The following BUB1 variants were observed in gnomAD, a reference collection of about 807,000 sequenced individuals.
BUB1 encodes BUB1 mitotic checkpoint serine/threonine kinase, also known as mitotic checkpoint serine/threonine-protein kinase BUB1.
Under a neutral mutation model 135.2 loss-of-function variants are expected in BUB1, and 84 were observed. That is an observed-to-expected ratio of 0.62 (90% confidence interval 0.52 to 0.74). BUB1 has a LOEUF of 0.74. BUB1 is among the 30% of genes least tolerant of loss of function. The pLI is 0.00. For missense variants in BUB1, 1,162 were observed against 1,288.3 expected (o/e 0.90, Z 1.50); for synonymous variants, 403 against 434.4 (o/e 0.93, Z 0.90).
Position 110,667,560 on chromosome 2 carries a change from C to T in BUB1, c.766G>A (p.Ala256Thr), listed in dbSNP as rs1481702236. ...TTTCTCCGTTGATTGTATTTCTGGG[C>T]TCTCAATTCTTCAAAGGAAAATTCT... is the stretch of plus-strand genomic sequence containing the variant. ...ESEFSFEELR[A>T]QKYNQRRKHE... The change falls in exon 8 of 25, where the codon GCC becomes ACC. Residue 256 changes from alanine (A) to threonine (T), a missense_variant. Physicochemically the swap from Ala to Thr is moderately conservative, Grantham distance 58 (BLOSUM62 0). Coordinates refer to ENST00000302759, the MANE Select transcript of BUB1 (RefSeq NM_004336.5). 6.2e-7 allele frequency: 1 copy of T among 1,613,878 alleles called. No homozygotes were observed. The highest frequency in any genetic ancestry group is 1.7e-5 in the Admixed American group (1 of 59,954).
In BUB1 at chr2:110,648,601, C is replaced by T. The variant is rs1025160498; in HGVS notation, c.2347+633G>A. 3.9e-5 allele frequency among the ~76,000 whole-genome samples: 6 copies of T among 152,186 alleles called. No individual in the cohort carries two copies. Among genetic ancestry groups the T allele is most frequent in the Non-Finnish European group, 7.3e-5 (5 of 68,030 alleles). ...GCTTAATTTTAACAAATGTACCACA[C>T]TCATGCAAGATGTTAGTAACACGAA... On this transcript the variant is annotated intron_variant, in intron 19 of 24. Transcript: ENST00000302759. This position sits in a 1 kb window ranked among gnomAD's most constrained non-coding sequence, Gnocchi z 4.2.
chr2:110,676,536 A>AT lies in BUB1; in HGVS notation c.26+1433dup, dbSNP rs1055531149. On this transcript the variant is annotated intron_variant, in intron 1 of 24. Coordinates refer to ENST00000302759, the MANE Select transcript of BUB1 (RefSeq NM_004336.5). The stretch of plus-strand genomic sequence containing the variant: ...GTATCCGCAAAATGTTATGTACAAG[A>AT]TTTTTCACCGTGCCACTATTTGAAA... The AT allele has an allele frequency of 7.2e-5, 11 of 152,112 alleles. 1 individual carries two copies. Among genetic ancestry groups the AT allele is most frequent in the Non-Finnish European group, 1.5e-5 (1 of 68,018 alleles). 9.4% of individuals were successfully genotyped at this position (152,112 alleles called of 1,614,324 possible).
At chr2:110,642,051 AT>A in intron 20 of BUB1, 67 bp downstream of exon 20, 3 of 1,268,370 alleles carry the variant, frequency 2.4e-6, no homozygotes, top group Non-Finnish European at 3.3e-6. Context: ...AAGAAAAAAA[AT>A]TTCTTGGCAA....
At position 110,678,029 on chromosome 2, in the gene BUB1, T is replaced by C. The variant is rs766256840; in HGVS notation, c.-34A>G. 40 of 1,592,278 alleles carry C rather than the reference T, an allele frequency of 2.5e-5. No homozygotes were observed. The highest frequency in any genetic ancestry group is 1.6e-4 in the East Asian group (7 of 43,826). On this transcript the variant is annotated 5_prime_UTR_variant, in exon 1 of 25. Coordinates refer to ENST00000302759, the MANE Select transcript of BUB1 (RefSeq NM_004336.5). ...GACGCTGGCCGGCAGCGGCCAAACC[T>C]GAACCGCAAACTAGAAGCCGCCGCC...
chr2:110,663,838 T>C (rs972706150), intron 9 of BUB1, among the ~76,000 whole-genome samples: 3 of 152,074 alleles, frequency 2.0e-5, no homozygotes, highest in Non-Finnish European at 4.4e-5. Context: ...ACCATCCTGG[T>C]AACACGGTGA....
chr2:110,641,786 G>T lies in BUB1; in HGVS notation c.2481C>A (p.Asn827Lys). ...GGGTCCCAATGTAGAATTCCCAGGG[G>T]TTGGCAGGCTTTTGGACCTGCAAAT... ...KFVLKVQKPA[N>K]PWEFYIGTQL... Residue 827 changes from asparagine to lysine, a missense_variant, in exon 21 of 25, where the codon AAC (asparagine) becomes AAA (lysine). Physicochemically the swap from Asn to Lys is moderately conservative, Grantham distance 94 (BLOSUM62 0). Transcript: ENST00000302759. 3 of 1,605,854 alleles carry T rather than the reference G, an allele frequency of 1.9e-6. No individual in the cohort carries two copies. Among genetic ancestry groups the T allele is most frequent in the Non-Finnish European group, 2.5e-6 (3 of 1,179,754 alleles).
chr2:110,674,176 C>A lies in BUB1; in HGVS notation c.135G>T (p.Leu45Phe). The A allele has an allele frequency of 6.3e-7, 1 of 1,594,670 alleles. No individual in the cohort carries two copies. Among genetic ancestry groups the A allele is most frequent in the Non-Finnish European group, 8.6e-7 (1 of 1,163,210 alleles). The change falls in exon 3 of 25, where the codon TTG becomes TTT. Residue 45 changes from leucine (L) to phenylalanine (F), a missense_variant. Coordinates refer to ENST00000302759, the MANE Select transcript of BUB1 (RefSeq NM_004336.5). ...TCATTAAATGTTCTAGTAAAGTTATCAAGTATTCTTTATTCTCAGGAAAAT... is the reference window on the plus strand; with the variant it reads ...TCATTAAATGTTCTAGTAAAGTTATAAAGTATTCTTTATTCTCAGGAAAAT... ...EENFPENKEY[L>F]ITLLEHLMKE...
rs975621280 is a variant in BUB1, at chr2:110,650,749, G to C, written c.2000C>G (p.Ser667Trp). 1 of 1,613,862 alleles carries C rather than the reference G, an allele frequency of 6.2e-7. No homozygotes were observed. The highest frequency in any genetic ancestry group is 8.5e-7 in the Non-Finnish European group (1 of 1,179,944). The change falls in exon 18 of 25, where the codon TCG (serine) becomes TGG (tryptophan). Residue 667 changes from serine (S) to tryptophan (W), a missense_variant. Physicochemically the swap from Ser to Trp is radical, Grantham distance 177. Coordinates refer to ENST00000302759, the MANE Select transcript of BUB1 (RefSeq NM_004336.5). ...IQEKSPKQALSSHMYSASLLR... is the reference protein window; with the variant it reads ...IQEKSPKQALWSHMYSASLLR... ...TAAGGATGCTGAATACATGTGAGAC[G>C]ACAAGGCCTGTTTTGGGCTTTTCTC...
intron 14 of BUB1, 116 bp from the exon 15 acceptor site, chr2:110,657,233 A>G: frequency 1.3e-6 from 1 of 796,330 alleles, no homozygotes; most frequent in Non-Finnish European, 1.9e-6. Flanking sequence ...ATCTTTATAT[A>G]GATATTCCTT....
intron 11 of BUB1, among the ~76,000 whole-genome samples, chr2:110,659,470 G>A (rs555688441): frequency 1.3e-5 from 2 of 152,140 alleles, no homozygotes; most frequent in Non-Finnish European, 2.9e-5. Flanking sequence ...GGCTCAGTAA[G>A]TCTTGGTTCA....
At position 110,649,391 on chromosome 2, in the gene BUB1, G is replaced by GAAAAAAAAAAAAAAAGAAAAAAA; in HGVS notation, c.2204-15_2204-14insTTTTTTTCTTTTTTTTTTTTTTT. On this transcript the variant is annotated splice_polypyrimidine_tract_variant and intron_variant, in intron 18 of 24. Transcript: ENST00000302759. ...CAACAATGAAGTCTTAAAGGAATGA[G>GAAAAAAAAAAAAAAAGAAAAAAA]AAAAAAAAAAAAAAAGGGAACATGA... The GAAAAAAAAAAAAAAAGAAAAAAA allele has an allele frequency of 8.9e-7, 1 of 1,127,648 alleles. No individual in the cohort carries two copies. 69.9% of individuals were successfully genotyped at this position (1,127,648 alleles called of 1,614,324 possible).
At chr2:110,650,837 GT>G in intron 17 of BUB1, 53 bp from the exon 18 acceptor site, 1 of 1,483,082 alleles carries the variant, frequency 6.7e-7, no homozygotes, top group Admixed American at 1.7e-5. Flanking sequence ...TTAGAAATCT[GT>G]TGGATTCAGT....
chr2:110,650,191 G>GT (rs1374843431), intron 18 of BUB1, among the ~76,000 whole-genome samples: 1 of 99,302 alleles, frequency 1.0e-5, no homozygotes, highest in Non-Finnish European at 1.8e-5. Flanking sequence ...CTGTTTATGT[G>GT]TAACAAGGGG....
chr2:110,647,525 C>T (rs547830280), intron 19 of BUB1, among the ~76,000 whole-genome samples: 27 of 151,490 alleles, frequency 1.8e-4, no homozygotes, highest in Middle Eastern at 3.4e-3. Context: ...GAAAGGAGCA[C>T]GATAAATAAA....
At position 110,643,249 on chromosome 2, in the gene BUB1, G is replaced by T. The variant is rs535416356; in HGVS notation, c.2348-1015C>A. On this transcript the variant is annotated intron_variant, in intron 19 of 24. Coordinates refer to ENST00000302759, the MANE Select transcript of BUB1 (RefSeq NM_004336.5). ...CAGAGAATCACAGCTTGCCAAACTAGAAGCCCAGGAACAGAAACCACTGCT... is the reference window on the plus strand; with the variant it reads ...CAGAGAATCACAGCTTGCCAAACTATAAGCCCAGGAACAGAAACCACTGCT... 2.9e-4 allele frequency among the ~76,000 whole-genome samples: 44 copies of T among 152,262 alleles called. No individual in the cohort carries two copies. In the South Asian group the frequency reaches 9.1e-3, roughly 32 times the overall value.
chr2:110,668,462 G>A (rs1026007558), intron 6 of BUB1, among the ~76,000 whole-genome samples: 3 of 152,126 alleles, frequency 2.0e-5, no homozygotes, highest in Non-Finnish European at 4.4e-5. Context: ...AGTCAGGAGC[G>A]CATATTCTAC....
In BUB1 at chr2:110,641,016, C is replaced by A; in HGVS notation, c.2955+18G>T. On this transcript the variant is annotated intron_variant, in intron 23 of 24. Transcript: ENST00000302759. ...AACACAGAAAAATATTTCCAAGTCC[C>A]TCACTTTAGTTTTATACCTGGTAGT... 6.5e-7 allele frequency: 1 copy of A among 1,530,222 alleles called. No homozygotes were observed. Among genetic ancestry groups the A allele is most frequent in the South Asian group, 1.3e-5 (1 of 75,266 alleles). 94.8% of individuals were successfully genotyped at this position (1,530,222 alleles called of 1,614,324 possible). A position where few individuals can be genotyped will look rare whatever the true frequency, so the allele number is the denominator to read the frequency against.
In BUB1 at chr2:110,653,542, A is replaced by T; in HGVS notation, c.1877-19T>A. ...ACATTTTCTGAAAGATTCAAAAATT[A>T]GAGACAAGATATGTTAGATGCACAT... On this transcript the variant is annotated intron_variant, in intron 16 of 24. Transcript: ENST00000302759. The T allele has an allele frequency of 3.1e-6, 5 of 1,603,868 alleles. No homozygotes were observed. The highest frequency in any genetic ancestry group is 3.4e-6 in the Non-Finnish European group (4 of 1,170,902).
At chr2:110,677,526 CT>C (rs1211765587) in intron 1 of BUB1, among the ~76,000 whole-genome samples, 2 of 151,980 alleles carry the variant, frequency 1.3e-5, no homozygotes, top group Non-Finnish European at 2.9e-5. Context: ...TATTCAAAGA[CT>C]TTTAAAAAAT....
Sources: gnomAD v4.1 joint callset for allele counts (sites outside exome capture counted in the v4.1 genomes callset) on GRCh38, gnomAD v4.1.1 for gene constraint, Gnocchi (gnomAD v3.1) non-coding constraint, MANE v1.5 for transcripts, NCBI Gene and HGNC (gene_info 2026-07-23, HGNC 2026-07-21) for gene names.